The following MEF2C variants were observed in gnomAD, a reference collection of about 807,000 sequenced individuals.
MEF2C encodes the protein myocyte enhancer factor 2C.
Under a neutral mutation model 50.5 loss-of-function variants are expected in MEF2C, and 6 were observed. The ratio of observed to expected loss-of-function variants is 0.12; its 90% CI spans 0.07 to 0.23. The LOEUF (loss-of-function observed/expected upper bound fraction) is 0.23, where lower values mean the gene tolerates loss of function less well. Ranked by LOEUF, MEF2C falls within the 10% of genes least tolerant of loss-of-function variation. The probability of loss-of-function intolerance (pLI) is 1.00; values close to 1 mark genes in which losing one functional copy is unlikely to be tolerated. For missense variants in MEF2C, 276 were observed against 605.0 expected, an observed-to-expected ratio of 0.46 and a Z score of 5.70; for synonymous variants, 183 against 228.0, an observed-to-expected ratio of 0.80 and a Z score of 1.78.
At position 88,851,102 on chromosome 5, in the gene MEF2C, G is replaced by A. The variant is rs141437379; in HGVS notation, c.-142-27172C>T. On this transcript the variant is annotated intron_variant, in intron 1 of 10. Transcript: ENST00000504921. ...AGAAAAATTAGCTGGGCGTGGTGGC[G>A]TGCACCTGTGGTCCCAGCTACTCAG... 5.0e-3 allele frequency among the ~76,000 whole-genome samples: 757 copies of A among 151,786 alleles called. 3 individuals are homozygous for A. The highest frequency in any genetic ancestry group is 0.017 in the African/African-American group (702 of 41,372).
chr5:88,801,808 T>C (rs899429474), intron 3 of MEF2C, among the ~76,000 whole-genome samples: 2 of 152,152 alleles, frequency 1.3e-5, no homozygotes, highest in African/African-American at 4.8e-5. Flanking sequence ...TTTTTATAAA[T>C]GCAACTTCCA....
intron 6 of MEF2C, chr5:88,738,255 T>C (rs1764944965): frequency 1.0e-6 from 1 of 985,234 alleles, no homozygotes; most frequent in African/African-American, 1.7e-5. Flanking sequence ...GAGGCAGTCA[T>C]TGACAATCTT....
chr5:88,739,694 A>G (rs965910864), intron 6 of MEF2C: 3 of 985,234 alleles, frequency 3.0e-6, no homozygotes, highest in Non-Finnish European at 3.6e-6. Context: ...ACTGTGAGTT[A>G]TTCAGCTGTT....
intron 3 of MEF2C, among the ~76,000 whole-genome samples, chr5:88,774,215 C>A (rs1783730804): frequency 6.6e-6 from 1 of 152,212 alleles, no homozygotes; most frequent in African/African-American, 2.4e-5. Flanking sequence ...GAGAACAAAC[C>A]TCTATCTACC....
intron 4 of MEF2C, chr5:88,760,919 C>A: frequency 6.6e-7 from 1 of 1,504,364 alleles, no homozygotes; most frequent in South Asian, 1.3e-5. Context: ...AGAAAGCCAT[C>A]ACTGAGAGGG....
chr5:88,813,161 C>T (rs1481105566), intron 2 of MEF2C, among the ~76,000 whole-genome samples: 1 of 152,038 alleles, frequency 6.6e-6, no homozygotes, highest in African/African-American at 2.4e-5. Context: ...CCACTACAGC[C>T]ACTGAGAACC....
intron 1 of MEF2C, among the ~76,000 whole-genome samples, chr5:88,850,707 T>TAC (rs747055522): frequency 9.8e-4 from 148 of 151,364 alleles, no homozygotes; most frequent in Non-Finnish European, 1.6e-3. Context: ...CATATACACA[T>TAC]ACACACACAC....
At chr5:88,883,694 C>T (rs1019892868), upstream of MEF2C, 1 of 152,104 alleles carries the variant, frequency 6.6e-6, no homozygotes, top group African/African-American at 2.4e-5. Flanking sequence ...CTCTCTCCCC[C>T]ACAATCCCAA....
chr5:88,734,427 G>C (rs566278697), intron 6 of MEF2C: 3 of 985,186 alleles, frequency 3.0e-6, no homozygotes, highest in Middle Eastern at 5.2e-4. Flanking sequence ...GGTAGATGCC[G>C]ATACTGGTTT....
Position 88,840,482 on chromosome 5 carries a change from T to C in MEF2C, c.-142-16552A>G, listed in dbSNP as rs1481481006. On this transcript the variant is annotated intron_variant, in intron 1 of 10. Transcript: ENST00000504921. ...GTCCTTGAAAAGTGCTTTTGTTGTATATTCTTATCAAATAAATATTTTTAT... is the reference window on the plus strand; with the variant it reads ...GTCCTTGAAAAGTGCTTTTGTTGTACATTCTTATCAAATAAATATTTTTAT... Among the ~76,000 whole-genome samples the C allele has an allele frequency of 5.3e-5, 8 of 152,258 alleles. 1 individual carries two copies. Among genetic ancestry groups the C allele is most frequent in the Admixed American group, 5.2e-4 (8 of 15,284 alleles).
intron 1 of MEF2C, among the ~76,000 whole-genome samples, chr5:88,832,051 G>A (rs749450381): frequency 6.6e-6 from 1 of 152,074 alleles, no homozygotes; most frequent in African/African-American, 2.4e-5. Context: ...GTCTTATCAA[G>A]TGGAACTAAA....
At position 88,758,005 on chromosome 5, in the gene MEF2C, A is replaced by G. The variant is rs548093186; in HGVS notation, c.402+3180T>C. On this transcript the variant is annotated intron_variant, in intron 4 of 10. Transcript: ENST00000504921. ...TCTACCCAGCTACCACCTTAGCTAC[A>G]CCTGGCTCCATCTGTAACACCTTCT... 3.3e-5 allele frequency among the ~76,000 whole-genome samples: 5 copies of G among 152,306 alleles called. No individual in the cohort carries two copies. In the East Asian group the frequency reaches 9.6e-4, roughly 29 times the overall value.
At chr5:88,759,431 G>A (rs984145658) in intron 4 of MEF2C, among the ~76,000 whole-genome samples, 3 of 152,104 alleles carry the variant, frequency 2.0e-5, no homozygotes, top group Non-Finnish European at 2.9e-5. Flanking sequence ...GCGGTGAGTG[G>A]AGATCGTGCC....
chr5:88,752,930 A>C (rs1773511324), intron 4 of MEF2C, among the ~76,000 whole-genome samples: 1 of 152,244 alleles, frequency 6.6e-6, no homozygotes, highest in Non-Finnish European at 1.5e-5. Flanking sequence ...ATAATGCCAG[A>C]GAACTCATAT....
At chr5:88,806,698 CAAATATACA>C (rs1409741463) in intron 2 of MEF2C, among the ~76,000 whole-genome samples, 2 of 151,298 alleles carry the variant, frequency 1.3e-5, no homozygotes, top group African/African-American at 4.9e-5. Flanking sequence ...TTTATATTTT[CAAATATACA>C]AAATATACAC....
chr5:88,743,242 T>C (rs538430071), intron 6 of MEF2C: 4 of 984,394 alleles, frequency 4.1e-6, no homozygotes, highest in African/African-American at 1.7e-5. Flanking sequence ...AATCTTAAGT[T>C]ATGTTTTCCT....
chr5:88,787,037 C>G (rs927899014), intron 3 of MEF2C, among the ~76,000 whole-genome samples: 1 of 152,146 alleles, frequency 6.6e-6, no homozygotes, highest in African/African-American at 2.4e-5. Flanking sequence ...AATGAGAGAA[C>G]AAATACTGTG....
intron 2 of MEF2C, among the ~76,000 whole-genome samples, chr5:88,811,592 G>A (rs977199617): frequency 4.6e-5 from 7 of 152,072 alleles, no homozygotes; most frequent in African/African-American, 1.2e-4. Flanking sequence ...GCACCCTACA[G>A]AATCTCCTAT....
intron 3 of MEF2C, among the ~76,000 whole-genome samples, chr5:88,797,661 T>C (rs1026556460): frequency 6.6e-6 from 1 of 152,068 alleles, no homozygotes; most frequent in African/African-American, 2.4e-5. Context: ...GTTAATATTG[T>C]TATGTGTGAA....
Sources: allele counts gnomAD v4.1 joint callset (sites outside exome capture counted in the v4.1 genomes callset), GRCh38; gene constraint gnomAD v4.1.1; transcripts MANE v1.5; gene names NCBI Gene and HGNC (gene_info 2026-07-23, HGNC 2026-07-21).